Variants in BCAS3 observed in about 807,000 individuals in gnomAD.
BCAS3 encodes the protein BCAS3 microtubule associated cell migration factor.
Under a neutral mutation model 116.1 loss-of-function variants are expected in BCAS3, and 53 were observed. That is an observed-to-expected ratio of 0.46 (90% CI 0.37 to 0.57). BCAS3 has a LOEUF of 0.57. Among genes scored for constraint, BCAS3 ranks in the 20% least tolerant of loss-of-function variants. BCAS3 has a pLI of 0.00. For missense variants in BCAS3, 917 were observed against 1,165.4 expected (o/e 0.79, Z 3.10); for synonymous variants, 391 against 408.2 (o/e 0.96, Z 0.51).
chr17:61,097,429 C>T lies in BCAS3; in HGVS notation c.2425+12865C>T, dbSNP rs1018788650. Reference sequence around the variant, plus strand: ...TCCTGACCTTGTGATCCGCCTGCCTCGGCCTCCCAAAGTGCTGGGATTAGC... The same window carrying T: ...TCCTGACCTTGTGATCCGCCTGCCTTGGCCTCCCAAAGTGCTGGGATTAGC... On this transcript the variant is annotated intron_variant, in intron 22 of 23. Transcript: ENST00000407086. The surrounding 1 kb of genome is among the most constrained non-coding windows in gnomAD (Gnocchi z 4.0). 5.3e-5 allele frequency among the ~76,000 whole-genome samples: 8 copies of T among 152,144 alleles called. No homozygotes were observed. Among genetic ancestry groups the T allele is most frequent in the Admixed American group, 2.6e-4 (4 of 15,278 alleles).
Position 61,271,424 on chromosome 17 carries a change from A to AT in BCAS3, c.2426-96890dup, listed in dbSNP as rs71148400. ...TACAGGTGTAAGCCACCATGCCCGG[A>AT]TTTTTTTTTTTTTGTCTTAGGTGGA... On this transcript the variant is annotated intron_variant, in intron 22 of 23. Transcript: ENST00000407086. Among the ~76,000 whole-genome samples the AT allele has an allele frequency of 7.1e-5, 5 of 70,226 alleles. 1 individual carries two copies. The highest frequency in any genetic ancestry group is 7.1e-4 in the South Asian group (1 of 1,414). 46.1% of individuals were successfully genotyped at this position (70,226 alleles called of 152,430 possible).
chr17:61,042,891 C>CA (rs35629825), intron 19 of BCAS3, among the ~76,000 whole-genome samples: 3,681 of 58,194 alleles, frequency 0.063, 181 homozygotes, highest in Non-Finnish European at 0.096. Context: ...CTCCATCTCA[C>CA]AAAAAAAAAA....
chr17:61,304,373 CT>C (rs1602545456), intron 22 of BCAS3, among the ~76,000 whole-genome samples: 2 of 152,378 alleles, frequency 1.3e-5, no homozygotes, highest in East Asian at 1.9e-4. Context: ...CTGCCTGCCC[CT>C]GTATCCACAG....
rs935235048 is a variant in BCAS3, at chr17:61,124,559, T to C, written c.2425+39995T>C. Among the ~76,000 whole-genome samples the C allele has an allele frequency of 6.6e-6, 1 of 152,354 alleles. No individual in the cohort carries two copies. Among genetic ancestry groups the C allele is most frequent in the Non-Finnish European group, 1.5e-5 (1 of 68,022 alleles). ...GCATCATTTCTTACATACCCTGTTA[T>C]TGTTTAGGGGAAAAATGTGGAAGCA... On this transcript the variant is annotated intron_variant, in intron 22 of 23. Transcript: ENST00000407086. This position sits in a 1 kb window ranked among gnomAD's most constrained non-coding sequence, Gnocchi z 4.6.
rs2056400489 is a variant in BCAS3 at position 61,332,812 on chromosome 17, C to T, written c.2426-35515C>T. On this transcript the variant is annotated intron_variant, in intron 22 of 23. Coordinates refer to ENST00000407086, the MANE Select transcript of BCAS3 (RefSeq NM_017679.5). The surrounding 1 kb of genome is among the most constrained non-coding windows in gnomAD (Gnocchi z 5.4). ...TGTATTTTTAGGAGAGACGGGGTTT[C>T]ACCATGTTAGCCAGGCTGGTCTCAA... 6.6e-6 allele frequency among the ~76,000 whole-genome samples: 1 copy of T among 152,084 alleles called. No individual in the cohort carries two copies. Among genetic ancestry groups the T allele is most frequent in the African/African-American group, 2.4e-5 (1 of 41,378 alleles).
At position 61,003,757 on chromosome 17, in the gene BCAS3, T is replaced by C. The variant is rs2064445243; in HGVS notation, c.1487-11994T>C. Reference sequence around the variant, plus strand: ...GCTGATTATTTTTATTTTTACATTCTATTATTTAATAATTCATTTTTATTT... The same window carrying C: ...GCTGATTATTTTTATTTTTACATTCCATTATTTAATAATTCATTTTTATTT... On this transcript the variant is annotated intron_variant, in intron 15 of 23. Coordinates refer to ENST00000407086, the MANE Select transcript of BCAS3 (RefSeq NM_017679.5). 2.0e-5 allele frequency: 3 copies of C among 152,208 alleles called. No homozygotes were observed. The South Asian group carries it at 6.2e-4, about 31-fold the overall frequency. 9.4% of individuals were successfully genotyped at this position (152,208 alleles called of 1,614,324 possible). A position where few individuals can be genotyped will look rare whatever the true frequency, so the allele number is the denominator to read the frequency against.
At chr17:61,353,098 C>A (rs1040743197) in intron 22 of BCAS3, among the ~76,000 whole-genome samples, 1 of 152,048 alleles carries the variant, frequency 6.6e-6, no homozygotes, top group East Asian at 1.9e-4. Context: ...ATAGACAAGC[C>A]GGATGTAACA....
intron 8 of BCAS3, among the ~76,000 whole-genome samples, chr17:60,873,069 A>G (rs148720569): frequency 2.4e-4 from 36 of 152,284 alleles, no homozygotes; most frequent in Middle Eastern, 3.4e-3. Flanking sequence ...AGGCTTTAGT[A>G]TAGTAACAGA....
In BCAS3 at chr17:60,932,729, G is replaced by A. The variant is rs1195702285; in HGVS notation, c.1087+8229G>A. ...TGCACTCCAGCCTGGGCGACAGAGCGAGACTCTTGTCTCAAAAAAAAAAAA... is the reference window on the plus strand; with the variant it reads ...TGCACTCCAGCCTGGGCGACAGAGCAAGACTCTTGTCTCAAAAAAAAAAAA... On this transcript the variant is annotated intron_variant, in intron 13 of 23. Coordinates refer to ENST00000407086, the MANE Select transcript of BCAS3 (RefSeq NM_017679.5). 9.3e-5 allele frequency among the ~76,000 whole-genome samples: 11 copies of A among 117,954 alleles called. No individual in the cohort carries two copies. The East Asian group carries it at 1.3e-3, about 14-fold the overall frequency. The allele number at this position is 117,954 out of a possible 152,430, so 77.4% of individuals were successfully genotyped here. A position where few individuals can be genotyped will look rare whatever the true frequency, so the allele number is the denominator to read the frequency against.
intron 7 of BCAS3, among the ~76,000 whole-genome samples, chr17:60,832,680 A>G (rs765578297): frequency 5.9e-5 from 9 of 152,286 alleles, no homozygotes; most frequent in Non-Finnish European, 1.0e-4. Flanking sequence ...GAAACATTCT[A>G]TGCATTTTTA....
chr17:61,152,692 A>T (rs1254302640), intron 22 of BCAS3, among the ~76,000 whole-genome samples: 2 of 152,056 alleles, frequency 1.3e-5, no homozygotes, highest in African/African-American at 4.8e-5. Flanking sequence ...TATTGTAAAG[A>T]TAATAAAGTC....
At chr17:61,372,774 C>G (rs1418713975) in intron 23 of BCAS3, among the ~76,000 whole-genome samples, 1 of 151,980 alleles carries the variant, frequency 6.6e-6, no homozygotes, top group South Asian at 2.1e-4. Flanking sequence ...TCTGTTACCC[C>G]CCTCAAAATA....
chr17:60,901,852 A>G (rs1048179165), intron 10 of BCAS3, among the ~76,000 whole-genome samples: 1 of 152,184 alleles, frequency 6.6e-6, no homozygotes, highest in Non-Finnish European at 1.5e-5. Flanking sequence ...TACCCTTGTC[A>G]TTTTGTTTTT....
chr17:60,948,777 A>G (rs571906787), intron 14 of BCAS3, among the ~76,000 whole-genome samples: 23 of 152,380 alleles, frequency 1.5e-4, no homozygotes, highest in African/African-American at 5.5e-4. Context: ...CTGAAAACTG[A>G]TAAACCAAAA....
At chr17:61,109,436 T>C (rs1281671972) in intron 22 of BCAS3, among the ~76,000 whole-genome samples, 1 of 152,172 alleles carries the variant, frequency 6.6e-6, no homozygotes, top group African/African-American at 2.4e-5. Flanking sequence ...TTTTACATAA[T>C]GACTTCTTTT....
chr17:60,848,100 T>A (rs1191004434), intron 7 of BCAS3, among the ~76,000 whole-genome samples: 4 of 152,230 alleles, frequency 2.6e-5, no homozygotes, highest in African/African-American at 9.6e-5. Flanking sequence ...GGCAGCTTTT[T>A]CAAAAGTTAA....
At chr17:61,360,354 C>G (rs1050353334) in intron 22 of BCAS3, among the ~76,000 whole-genome samples, 1 of 152,230 alleles carries the variant, frequency 6.6e-6, no homozygotes, top group Non-Finnish European at 1.5e-5. Flanking sequence ...CTGATGCTCA[C>G]AACAGCTCTG....
chr17:61,193,524 G>A (rs994410478), intron 22 of BCAS3, among the ~76,000 whole-genome samples: 3 of 151,890 alleles, frequency 2.0e-5, no homozygotes, highest in Non-Finnish European at 4.4e-5. Flanking sequence ...TTGGGAGGCC[G>A]AGATGGGTGG....
In BCAS3 at chr17:61,326,533, G is replaced by T. The variant is rs2055746084; in HGVS notation, c.2426-41794G>T. 6.6e-6 allele frequency among the ~76,000 whole-genome samples: 1 copy of T among 152,232 alleles called. No homozygotes were observed. Among genetic ancestry groups the T allele is most frequent in the Admixed American group, 6.5e-5 (1 of 15,282 alleles). ...GAGTAGAACATGATGGAATGGATTAGGCTGGCCCAGTAGCAAATAGAAGTG... is the reference window on the plus strand; with the variant it reads ...GAGTAGAACATGATGGAATGGATTATGCTGGCCCAGTAGCAAATAGAAGTG... On this transcript the variant is annotated intron_variant, in intron 22 of 23. Coordinates refer to ENST00000407086, the MANE Select transcript of BCAS3 (RefSeq NM_017679.5). The surrounding 1 kb of genome is among the most constrained non-coding windows in gnomAD (Gnocchi z 5.3).
Sources: gnomAD v4.1 joint callset for allele counts (sites outside exome capture counted in the v4.1 genomes callset) on GRCh38, gnomAD v4.1.1 for gene constraint, Gnocchi (gnomAD v3.1) non-coding constraint, MANE v1.5 for transcripts, NCBI Gene and HGNC (gene_info 2026-07-23, HGNC 2026-07-21) for gene names.